The following SGCZ variants were observed in gnomAD, a reference collection of about 807,000 sequenced individuals.
SGCZ encodes zeta-sarcoglycan.
In SGCZ, 40 loss-of-function variants were observed where a neutral mutation model predicts 41.3. The ratio of observed to expected loss-of-function variants is 0.97; its 90% CI spans 0.75 to 1.26. The LOEUF (loss-of-function observed/expected upper bound fraction) is 1.26, where lower values mean the gene tolerates loss of function less well. Among genes scored for constraint, SGCZ ranks in the 50% most tolerant of loss-of-function variants. SGCZ has a pLI of 0.00. For synonymous variants in SGCZ, 206 were observed against 137.5 expected (o/e 1.50, Z -3.49); for missense variants, 552 against 369.8 (o/e 1.49, Z -4.04).
chr8:15,031,274 G>A (rs1474526229), intron 1 of SGCZ, among the ~76,000 whole-genome samples: 1 of 152,030 alleles, frequency 6.6e-6, no homozygotes, highest in Non-Finnish European at 1.5e-5. Flanking sequence ...TCTTAGTTAT[G>A]GGTTGAAGCA....
intron 1 of SGCZ, among the ~76,000 whole-genome samples, chr8:14,677,184 G>A (rs1230162770): frequency 6.6e-6 from 1 of 151,864 alleles, no homozygotes; most frequent in Non-Finnish European, 1.5e-5. Context: ...AGTGGGAACT[G>A]AAATTAAAAC....
At chr8:14,966,709 C>A (rs1266224635) in intron 1 of SGCZ, among the ~76,000 whole-genome samples, 1 of 152,098 alleles carries the variant, frequency 6.6e-6, no homozygotes, top group Non-Finnish European at 1.5e-5. Flanking sequence ...AATGTGCACG[C>A]ACCTGCTTTA....
chr8:14,467,294 C>A (rs1801078362), intron 2 of SGCZ, among the ~76,000 whole-genome samples: 1 of 151,940 alleles, frequency 6.6e-6, no homozygotes, highest in African/African-American at 2.4e-5. Context: ...GGGCACTGGC[C>A]CTTTTAATTC....
intron 3 of SGCZ, among the ~76,000 whole-genome samples, chr8:14,307,521 A>G (rs79001843): frequency 0.013 from 1,953 of 152,070 alleles, 52 homozygotes; most frequent in African/African-American, 0.044. Context: ...GGTTGACCTA[A>G]CCTTTCTTCA....
chr8:15,218,743 G>A (rs915678021), intron 1 of SGCZ, among the ~76,000 whole-genome samples: 18 of 152,200 alleles, frequency 1.2e-4, no homozygotes, highest in African/African-American at 2.4e-4. Context: ...AATAATTGAC[G>A]CATGGATGGA....
intron 2 of SGCZ, among the ~76,000 whole-genome samples, chr8:14,540,801 T>G (rs1382654622): frequency 1.3e-5 from 2 of 151,854 alleles, no homozygotes; most frequent in Non-Finnish European, 2.9e-5. Context: ...AAGTAGTACA[T>G]TATTCTTCTC....
intron 4 of SGCZ, among the ~76,000 whole-genome samples, chr8:14,202,590 A>G (rs968595350): frequency 3.3e-5 from 5 of 152,172 alleles, no homozygotes; most frequent in African/African-American, 1.2e-4. Flanking sequence ...TTTATTCTAA[A>G]GCTAGGTTGG....
intron 1 of SGCZ, among the ~76,000 whole-genome samples, chr8:14,844,093 C>T (rs1803018303): frequency 6.6e-6 from 1 of 151,768 alleles, no homozygotes; most frequent in Non-Finnish European, 1.5e-5. Context: ...CCTTGGTATT[C>T]ATGGTTTCAG....
intron 1 of SGCZ, among the ~76,000 whole-genome samples, chr8:14,919,480 C>T (rs1176174393): frequency 2.0e-5 from 3 of 152,170 alleles, no homozygotes; most frequent in Admixed American, 1.3e-4. Context: ...ATGCCAGTGT[C>T]AATTTGATAC....
At chr8:14,839,463 G>C in intron 1 of SGCZ, among the ~76,000 whole-genome samples, 1 of 152,136 alleles carries the variant, frequency 6.6e-6, no homozygotes, top group East Asian at 1.9e-4. Flanking sequence ...GAGTTCAGGA[G>C]AAAAGTTAAA....
At chr8:14,274,206 T>C (rs1298750486) in intron 3 of SGCZ, among the ~76,000 whole-genome samples, 1 of 152,150 alleles carries the variant, frequency 6.6e-6, no homozygotes, top group Non-Finnish European at 1.5e-5. Flanking sequence ...GTAAATTGTA[T>C]TGCAAATATC....
intron 1 of SGCZ, among the ~76,000 whole-genome samples, chr8:14,836,941 T>G (rs1190554514): frequency 6.6e-6 from 1 of 152,230 alleles, no homozygotes; most frequent in East Asian, 1.9e-4. Flanking sequence ...AGCTTTAAAT[T>G]AGAATATCAT....
intron 4 of SGCZ, among the ~76,000 whole-genome samples, chr8:14,178,416 A>G (rs1804619670): frequency 6.6e-6 from 1 of 152,206 alleles, no homozygotes; most frequent in Admixed American, 6.5e-5. Flanking sequence ...TAGATTACCT[A>G]TTGAGGCTAG....
chr8:14,404,052 C>A (rs1799147523), intron 2 of SGCZ, among the ~76,000 whole-genome samples: 1 of 152,078 alleles, frequency 6.6e-6, no homozygotes, highest in Non-Finnish European at 1.5e-5. Flanking sequence ...AATCATGTAT[C>A]TTACCTGAGT....
chr8:14,474,786 T>C (rs576354068), intron 2 of SGCZ, among the ~76,000 whole-genome samples: 216 of 152,314 alleles, frequency 1.4e-3, no homozygotes, highest in African/African-American at 5.0e-3. Context: ...AAACCTTTTA[T>C]TATATCCAAA....
chr8:14,624,333 C>A (rs532890533), intron 1 of SGCZ, among the ~76,000 whole-genome samples: 48 of 152,036 alleles, frequency 3.2e-4, no homozygotes, highest in African/African-American at 1.2e-3. Flanking sequence ...CTAATGTTTC[C>A]TCGGCCAACT....
intron 1 of SGCZ, among the ~76,000 whole-genome samples, chr8:14,753,877 T>C (rs1211017901): frequency 1.3e-5 from 2 of 152,116 alleles, no homozygotes; most frequent in African/African-American, 4.8e-5. Flanking sequence ...AGTACTTGAG[T>C]TGCTGTGGTA....
chr8:14,859,571 T>C (rs909979719), intron 1 of SGCZ, among the ~76,000 whole-genome samples: 47 of 152,138 alleles, frequency 3.1e-4, no homozygotes, highest in African/African-American at 1.1e-3. Flanking sequence ...TCCTTCCTTC[T>C]ATTACAATAA....
chr8:15,092,229 G>A (rs1356770822), intron 1 of SGCZ, among the ~76,000 whole-genome samples: 1 of 152,108 alleles, frequency 6.6e-6, no homozygotes, highest in Non-Finnish European at 1.5e-5. Context: ...CATTAGTTTA[G>A]CTATCTGCTT....
Sources: gnomAD v4.1 joint callset for allele counts (sites outside exome capture counted in the v4.1 genomes callset) on GRCh38, gnomAD v4.1.1 for gene constraint, MANE v1.5 for transcripts, NCBI Gene and HGNC (gene_info 2026-07-23, HGNC 2026-07-21) for gene names.